Variants in WDR59 observed in about 807,000 individuals in gnomAD.
WDR59 encodes WD repeat domain 59, also known as GATOR2 complex protein WDR59.
A neutral mutation model predicts 131.2 loss-of-function variants in WDR59; 100 were observed. That is an observed-to-expected ratio of 0.76 (90% CI 0.65 to 0.90). WDR59 has a LOEUF of 0.90. WDR59 is among the 40% of genes least tolerant of loss of function. WDR59 has a pLI of 0.00. For missense variants in WDR59, 1,203 were observed against 1,262.2 expected (o/e 0.95, Z 0.71); for synonymous variants, 601 against 466.2 (o/e 1.29, Z -3.72).
intron 18 of WDR59, among the ~76,000 whole-genome samples, chr16:74,902,437 G>GC (rs1965597791): frequency 8.6e-6 from 1 of 115,718 alleles, no homozygotes; most frequent in Admixed American, 7.6e-5. Flanking sequence ...GGTGTTTGTA[G>GC]TAAAAAAGGC....
At chr16:74,974,918 G>A (rs1477140781) in intron 1 of WDR59, among the ~76,000 whole-genome samples, 1 of 152,176 alleles carries the variant, frequency 6.6e-6, no homozygotes, top group African/African-American at 2.4e-5. Flanking sequence ...CATGCCATTT[G>A]CCTTTTCCCT....
chr16:74,964,449 T>C (rs2033684720), intron 2 of WDR59, among the ~76,000 whole-genome samples: 1 of 151,586 alleles, frequency 6.6e-6, no homozygotes, highest in Non-Finnish European at 1.5e-5. Flanking sequence ...AGGCACCCAG[T>C]ATGACACACA....
At chr16:74,936,740 C>G (rs542591580) in intron 8 of WDR59, among the ~76,000 whole-genome samples, 2 of 151,998 alleles carry the variant, frequency 1.3e-5, no homozygotes, top group Non-Finnish European at 2.9e-5. Context: ...GCAGGAGAAT[C>G]GCTTGAACCC....
Position 74,945,867 on chromosome 16 carries a change from A to G in WDR59, c.445+2652T>C, listed in dbSNP as rs372024878. Among the ~76,000 whole-genome samples the G allele has an allele frequency of 1.4e-4, 20 of 141,552 alleles. No individual in the cohort carries two copies. In the East Asian group the frequency reaches 1.5e-3, roughly 11 times the overall value. The allele number at this position is 141,552 out of a possible 152,430, so 92.9% of individuals were successfully genotyped here. A position where few individuals can be genotyped will look rare whatever the true frequency, so the allele number is the denominator to read the frequency against. ...GAGTTTTGCTCTTGTTGCCCAGGCT[A>G]GAGTGCAATGGCGTGATCTCGCTCA... On this transcript the variant is annotated intron_variant, in intron 6 of 25. Coordinates refer to ENST00000262144, the MANE Select transcript of WDR59 (RefSeq NM_030581.4).
intron 15 of WDR59, 42 bp downstream of exon 15, chr16:74,909,780 A>G: frequency 2.5e-6 from 4 of 1,590,216 alleles, no homozygotes; most frequent in Non-Finnish European, 3.4e-6. Context: ...ATGAAACAAA[A>G]CACCAAAGCC....
At chr16:74,926,655 C>G (rs1248436719) in intron 8 of WDR59, among the ~76,000 whole-genome samples, 3 of 152,176 alleles carry the variant, frequency 2.0e-5, no homozygotes, top group African/African-American at 7.2e-5. Context: ...GCCCAAAAAT[C>G]TCTTACTAAA....
chr16:74,948,874 T>G (rs1263340518), intron 5 of WDR59, among the ~76,000 whole-genome samples: 1 of 152,114 alleles, frequency 6.6e-6, no homozygotes, highest in Non-Finnish European at 1.5e-5. Flanking sequence ...GGCAGGCACC[T>G]AAAATCCCAG....
At chr16:74,886,493 C>A (rs1460710724) in intron 23 of WDR59, 97 bp from the exon 24 acceptor site, 6 of 1,465,390 alleles carry the variant, frequency 4.1e-6, no homozygotes, top group East Asian at 2.3e-5. Context: ...AATGGATTTC[C>A]CAGAAGAAAT....
intron 1 of WDR59, among the ~76,000 whole-genome samples, chr16:74,981,192 T>C (rs1427818517): frequency 2.6e-5 from 4 of 151,416 alleles, no homozygotes; most frequent in Non-Finnish European, 5.9e-5. Flanking sequence ...GGTGAAACCC[T>C]GTCTCTACTA....
chr16:74,917,869 G>C, intron 11 of WDR59, 60 bp downstream of exon 11: 1 of 1,304,174 alleles, frequency 7.7e-7, no homozygotes, highest in East Asian at 2.4e-5. Flanking sequence ...CGCAAATCCT[G>C]AATCTTACAC....
chr16:74,879,716 C>A lies in WDR59; in HGVS notation c.2690-5272G>T, dbSNP rs60330205. ...TAATTACCTTCAGGAGAAAAAAAAA[C>A]CAAAAAAGATCTTAATATAGATTAT... On this transcript the variant is annotated intron_variant, in intron 25 of 25. Transcript: ENST00000262144. 7.4e-3 allele frequency among the ~76,000 whole-genome samples: 1,129 copies of A among 151,770 alleles called. 11 individuals are homozygous for A. Among genetic ancestry groups the A allele is most frequent in the African/African-American group, 0.023 (953 of 41,386 alleles).
chr16:74,957,225 C>T (rs980194614), intron 2 of WDR59, among the ~76,000 whole-genome samples: 5 of 151,846 alleles, frequency 3.3e-5, no homozygotes, highest in Non-Finnish European at 7.4e-5. Context: ...GGATTACAGG[C>T]ACCCACCATC....
intron 2 of WDR59, among the ~76,000 whole-genome samples, chr16:74,961,768 T>A (rs991296519): frequency 6.6e-6 from 1 of 152,220 alleles, no homozygotes; most frequent in Non-Finnish European, 1.5e-5. Context: ...TAGTTTCTTT[T>A]GCTGTGCAGA....
chr16:74,874,627 C>T (rs1004253840), intron 25 of WDR59, among the ~76,000 whole-genome samples, 183 bp from the exon 26 acceptor site: 8 of 152,158 alleles, frequency 5.3e-5, no homozygotes, highest in African/African-American at 9.7e-5. Flanking sequence ...CAGAGTTTCA[C>T]TCTTGTCACC....
intron 7 of WDR59, 108 bp from the exon 8 acceptor site, chr16:74,938,374 T>TA (rs2031968686): frequency 3.0e-6 from 2 of 672,690 alleles, no homozygotes; most frequent in Non-Finnish European, 4.7e-6. Flanking sequence ...TACTACCAGA[T>TA]ACTGTCTCTA....
chr16:74,893,953 C>A, intron 18 of WDR59, 141 bp from the exon 19 acceptor site: 2 of 959,528 alleles, frequency 2.1e-6, no homozygotes, highest in Non-Finnish European at 3.1e-6. Flanking sequence ...GAATCAGCAT[C>A]TGTAGGAAAT....
chr16:74,909,474 T>C, intron 16 of WDR59, 27 bp downstream of exon 16: 2 of 1,517,424 alleles, frequency 1.3e-6, no homozygotes, highest in Non-Finnish European at 1.8e-6. Context: ...TCTCGAAATC[T>C]AGAATCAAAG....
chr16:74,966,399 G>T (rs1307265955), intron 1 of WDR59, among the ~76,000 whole-genome samples: 1 of 152,108 alleles, frequency 6.6e-6, no homozygotes, highest in Admixed American at 6.6e-5. Flanking sequence ...AGAATCGCTT[G>T]AACGTGGGAG....
chr16:74,964,728 C>T (rs1234982751), intron 2 of WDR59, among the ~76,000 whole-genome samples: 3 of 151,824 alleles, frequency 2.0e-5, no homozygotes, highest in African/African-American at 4.8e-5. Flanking sequence ...GAGAGCAACA[C>T]GAAAGGAAAA....
Sources: gnomAD v4.1 joint callset for allele counts (sites outside exome capture counted in the v4.1 genomes callset) on GRCh38, gnomAD v4.1.1 for gene constraint, MANE v1.5 for transcripts, NCBI Gene and HGNC (gene_info 2026-07-23, HGNC 2026-07-21) for gene names.